SLC35F1: variants seen among roughly 807,000 people sequenced by gnomAD.
SLC35F1 encodes the protein chromosome 6 open reading frame 169.
SLC35F1 carries 14 observed loss-of-function variants against 48.7 expected under a neutral mutation model. The ratio of observed to expected loss-of-function variants is 0.29; its 90% CI spans 0.19 to 0.45. The LOEUF is 0.45. Ranked by LOEUF, SLC35F1 falls within the 20% of genes least tolerant of loss-of-function variation. The probability of loss-of-function intolerance (pLI) is 1.00; values close to 1 mark genes in which losing one functional copy is unlikely to be tolerated. For synonymous variants in SLC35F1, 190 were observed against 202.2 expected, an observed-to-expected ratio of 0.94 and a Z score of 0.51; for missense variants, 404 against 500.0, an observed-to-expected ratio of 0.81 and a Z score of 1.83.
intron 2 of SLC35F1, among the ~76,000 whole-genome samples, chr6:118,189,113 A>C (rs1467511682): frequency 6.6e-6 from 1 of 151,894 alleles, no homozygotes; most frequent in African/African-American, 2.4e-5. Flanking sequence ...GAATCTCACC[A>C]TGTTGTTCAG....
At chr6:118,024,789 C>T (rs918542362) in intron 1 of SLC35F1, among the ~76,000 whole-genome samples, 4 of 152,090 alleles carry the variant, frequency 2.6e-5, no homozygotes, top group Non-Finnish European at 5.9e-5. Context: ...GTATTAGAAA[C>T]TTCATCTGCA....
At chr6:118,078,529 GA>G in intron 1 of SLC35F1, among the ~76,000 whole-genome samples, 1 of 152,126 alleles carries the variant, frequency 6.6e-6, no homozygotes, top group East Asian at 1.9e-4. Context: ...CTTGCATTAA[GA>G]AAAAAATAAA....
In SLC35F1 at chr6:118,125,872, G is replaced by A. The variant is rs528127291; in HGVS notation, c.174-28573G>A. Among the ~76,000 whole-genome samples, 79 of 152,350 alleles carry A rather than the reference G, an allele frequency of 5.2e-4. 1 individual carries two copies. The highest frequency in any genetic ancestry group is 1.8e-3 in the African/African-American group (76 of 41,594). On this transcript the variant is annotated intron_variant, in intron 1 of 7. Coordinates refer to ENST00000360388, the MANE Select transcript of SLC35F1 (RefSeq NM_001029858.4). Reference sequence around the variant, plus strand: ...CCAGCTCAGGGATGGAGGAGGGCAAGCAGGTTTCAGTGGCCTGGAGCAGCT... The same window carrying A: ...CCAGCTCAGGGATGGAGGAGGGCAAACAGGTTTCAGTGGCCTGGAGCAGCT...
At chr6:118,205,217 AGATTCTAGTG>A (rs1472887398) in intron 2 of SLC35F1, among the ~76,000 whole-genome samples, 1 of 152,242 alleles carries the variant, frequency 6.6e-6, no homozygotes, top group East Asian at 1.9e-4. Context: ...GCTTATGGGC[AGATTCTAGTG>A]GAGGAAGATG....
intron 1 of SLC35F1, among the ~76,000 whole-genome samples, chr6:118,064,219 C>T (rs1772582389): frequency 1.3e-5 from 2 of 152,142 alleles, no homozygotes; most frequent in Admixed American, 6.5e-5. Flanking sequence ...ATGGGAAAAA[C>T]CTGCCTACAT....
At chr6:117,946,049 G>T (rs1007681431) in intron 1 of SLC35F1, among the ~76,000 whole-genome samples, 4 of 152,094 alleles carry the variant, frequency 2.6e-5, no homozygotes, top group African/African-American at 9.7e-5. Flanking sequence ...CTTTCTTTGT[G>T]CTCCATTTTC....
intron 1 of SLC35F1, among the ~76,000 whole-genome samples, chr6:118,128,195 A>G (rs1373660037): frequency 6.8e-5 from 10 of 146,238 alleles, no homozygotes; most frequent in African/African-American, 2.5e-4. Flanking sequence ...AAATAGGAAC[A>G]CTTTTACACT....
chr6:118,305,595 C>T (rs1442805614), intron 7 of SLC35F1, among the ~76,000 whole-genome samples: 1 of 152,020 alleles, frequency 6.6e-6, no homozygotes, highest in Admixed American at 6.6e-5. Flanking sequence ...ACACACTAAC[C>T]CTTGCCTTAC....
chr6:118,272,735 G>GTGTATATATATATACATATATATATATA lies in SLC35F1; in HGVS notation c.638-2708_638-2681dup, dbSNP rs1422556564. On this transcript the variant is annotated intron_variant, in intron 4 of 7. Transcript: ENST00000360388. ...CCTGGATTAAAAAATATATATGTGT[G>GTGTATATATATATACATATATATATATA]TGTATATATATATACATATATATAT... Among the ~76,000 whole-genome samples, 35 of 114,100 alleles carry GTGTATATATATATACATATATATATATA rather than the reference G, an allele frequency of 3.1e-4. No homozygotes were observed. The South Asian group carries it at 7.3e-3, about 24-fold the overall frequency. The allele number at this position is 114,100 out of a possible 152,430, so 74.9% of individuals were successfully genotyped here. A position where few individuals can be genotyped will look rare whatever the true frequency, so the allele number is the denominator to read the frequency against.
intron 2 of SLC35F1, among the ~76,000 whole-genome samples, chr6:118,196,687 C>T (rs1280935115): frequency 6.6e-6 from 1 of 152,028 alleles, no homozygotes; most frequent in Non-Finnish European, 1.5e-5. Flanking sequence ...CTGCACTCCA[C>T]ACCCCAGCTT....
intron 2 of SLC35F1, among the ~76,000 whole-genome samples, chr6:118,178,914 A>G (rs956095326): frequency 2.6e-5 from 4 of 152,172 alleles, no homozygotes; most frequent in African/African-American, 9.6e-5. Flanking sequence ...TATGGGAGCC[A>G]TAACAGAAAG....
At chr6:117,917,667 T>A (rs1277477256) in intron 1 of SLC35F1, among the ~76,000 whole-genome samples, 2 of 152,016 alleles carry the variant, frequency 1.3e-5, no homozygotes, top group African/African-American at 4.8e-5. Context: ...ATGGTAGGAA[T>A]TAAAGAGTTT....
intron 1 of SLC35F1, among the ~76,000 whole-genome samples, chr6:117,993,089 A>C (rs1005419425): frequency 6.6e-6 from 1 of 152,202 alleles, no homozygotes; most frequent in Admixed American, 6.5e-5. Context: ...CAGAAGTTTC[A>C]ACTGCCCTGG....
chr6:118,235,579 G>A lies in SLC35F1; in HGVS notation c.420G>A (p.Leu140=). ...ACATGATTTTGGGACTCATAGACCT[G>A]GAAGCAAATTATCTGGTGGTCAAGG... The part of the protein sequence containing the change: ...WKYMILGLID[L]EANYLVVKAY... Residue 140 remains leucine (L), a synonymous_variant, in exon 3 of 8, where the codon CTG becomes CTA. Transcript: ENST00000360388. 1 of 1,613,420 alleles carries A rather than the reference G, an allele frequency of 6.2e-7. No individual in the cohort carries two copies. The highest frequency in any genetic ancestry group is 8.5e-7 in the Non-Finnish European group (1 of 1,179,620).
intron 1 of SLC35F1, among the ~76,000 whole-genome samples, chr6:117,986,218 G>C (rs907360954): frequency 2.0e-5 from 3 of 152,186 alleles, no homozygotes; most frequent in African/African-American, 4.8e-5. Context: ...GCTTGGATCA[G>C]ATGGCTGCTC....
intron 1 of SLC35F1, among the ~76,000 whole-genome samples, chr6:118,044,047 C>T (rs2114904324): frequency 6.6e-6 from 1 of 152,316 alleles, no homozygotes; most frequent in African/African-American, 2.4e-5. Context: ...ACTGGCAGCA[C>T]TTTATAGATG....
intron 2 of SLC35F1, among the ~76,000 whole-genome samples, chr6:118,216,887 T>C (rs1775080886): frequency 6.6e-6 from 1 of 152,170 alleles, no homozygotes; most frequent in Admixed American, 6.6e-5. Context: ...ATAAGGCATG[T>C]GTCCCACCTT....
chr6:118,298,003 C>A (rs909314932), intron 7 of SLC35F1, among the ~76,000 whole-genome samples: 1 of 151,796 alleles, frequency 6.6e-6, no homozygotes, highest in Non-Finnish European at 1.5e-5. Context: ...TTAAAAGAAT[C>A]TGGGACTTCC....
At chr6:117,935,989 G>A (rs1328545945) in intron 1 of SLC35F1, among the ~76,000 whole-genome samples, 1 of 152,202 alleles carries the variant, frequency 6.6e-6, no homozygotes, top group East Asian at 1.9e-4. Flanking sequence ...GTTCAAGTAT[G>A]TTTGAACAAA....
Sources: allele counts gnomAD v4.1 joint callset (sites outside exome capture counted in the v4.1 genomes callset), GRCh38; gene constraint gnomAD v4.1.1; transcripts MANE v1.5; gene names NCBI Gene and HGNC (gene_info 2026-07-23, HGNC 2026-07-21).